The following SLC15A1 variants were observed in gnomAD, a reference collection of about 807,000 sequenced individuals.
SLC15A1 encodes solute carrier family 15 member 1, also known as Caco-2 oligopeptide transporter.
In SLC15A1, 83 loss-of-function variants were observed where a neutral mutation model predicts 92.9. The observed-to-expected ratio is 0.89, with a 90% CI of 0.75 to 1.07. The LOEUF is 1.07. SLC15A1 is among the 50% of genes least tolerant of loss of function. SLC15A1 has a pLI of 0.00. For missense variants in SLC15A1, 857 were observed against 880.1 expected (o/e 0.97, Z 0.33); for synonymous variants, 322 against 318.2 (o/e 1.01, Z -0.13).
chr13:98,709,792 C>T lies in SLC15A1; in HGVS notation c.946-18G>A, dbSNP rs374290395. 215 of 1,613,960 alleles carry T rather than the reference C, an allele frequency of 1.3e-4. No homozygotes were observed. The highest frequency in any genetic ancestry group is 1.7e-4 in the Non-Finnish European group (206 of 1,180,018). On this transcript the variant is annotated intron_variant, in intron 12 of 22. Transcript: ENST00000376503. The stretch of plus-strand genomic sequence containing the variant: ...AGAGCTCCCTAAAAAGAGAGGAAAA[C>T]AATCTCAGTGAAAAATGTCATGAAA...
intron 15 of SLC15A1, among the ~76,000 whole-genome samples, chr13:98,706,775 T>G (rs764635047): frequency 2.0e-5 from 3 of 152,130 alleles, no homozygotes; most frequent in Non-Finnish European, 2.9e-5. Flanking sequence ...CAGTCTTGGG[T>G]ACGTCTTTAT....
chr13:98,710,883 T>TA (rs1220325948), intron 11 of SLC15A1, among the ~76,000 whole-genome samples: 1 of 151,428 alleles, frequency 6.6e-6, no homozygotes, highest in Non-Finnish European at 1.5e-5. Context: ...CTGAGTACCT[T>TA]ATGGATGTTC....
rs1358555473 is a variant in SLC15A1 at position 98,710,045 on chromosome 13, A to G, written c.901-134T>C. 9.9e-6 allele frequency: 8 copies of G among 809,864 alleles called. No individual in the cohort carries two copies. The African/African-American group carries it at 1.4e-4, about 14-fold the overall frequency. 50.2% of individuals were successfully genotyped at this position (809,864 alleles called of 1,614,324 possible). ...GGATTTAAAGTTGTTTTAAACATCA[A>G]GTTAATCTCCCAGCTCTATTATAAT... is the stretch of plus-strand genomic sequence containing the variant. On this transcript the variant is annotated intron_variant, in intron 11 of 22. Coordinates refer to ENST00000376503, the MANE Select transcript of SLC15A1 (RefSeq NM_005073.4).
chr13:98,732,514 G>A (rs1013517580), intron 1 of SLC15A1, among the ~76,000 whole-genome samples: 2 of 152,064 alleles, frequency 1.3e-5, no homozygotes, highest in South Asian at 2.1e-4. Flanking sequence ...TCTTCCGCAC[G>A]ACTCAATAAA....
At chr13:98,730,264 G>A (rs1292630908) in intron 1 of SLC15A1, among the ~76,000 whole-genome samples, 1 of 68,384 alleles carries the variant, frequency 1.5e-5, no homozygotes, top group Admixed American at 1.8e-4. Context: ...GAAGGGGAGG[G>A]GAAGGGGAGG....
intron 7 of SLC15A1, 40 bp downstream of exon 7, chr13:98,721,454 TA>T (rs1255035474): frequency 6.9e-6 from 10 of 1,439,728 alleles, no homozygotes; most frequent in South Asian, 1.2e-5. Flanking sequence ...TTGGCCTTAC[TA>T]AAAAAAGACC....
intron 7 of SLC15A1, chr13:98,720,958 A>G: frequency 2.7e-6 from 1 of 364,202 alleles, no homozygotes; most frequent in Non-Finnish European, 5.4e-6. Flanking sequence ...AGGCTGAGGC[A>G]GGAGAATTGC....
At chr13:98,696,691 C>T (rs182848941) in intron 18 of SLC15A1, among the ~76,000 whole-genome samples, 280 of 152,160 alleles carry the variant, frequency 1.8e-3, no homozygotes, top group Non-Finnish European at 2.0e-3. Flanking sequence ...TGTATGAGCA[C>T]GTGTGGGGGA....
In SLC15A1 at chr13:98,684,602, G is replaced by T; in HGVS notation, c.*122C>A. 1 of 563,108 alleles carries T rather than the reference G, an allele frequency of 1.8e-6. No individual in the cohort carries two copies. The highest frequency in any genetic ancestry group is 3.1e-6 in the Non-Finnish European group (1 of 323,752). The allele number at this position is 563,108 out of a possible 1,614,324, so 34.9% of individuals were successfully genotyped here. On this transcript the variant is annotated 3_prime_UTR_variant, in exon 23 of 23. Transcript: ENST00000376503. ...AAAGAAAAAAGAAAATAGCATTCAT[G>T]GTTTAGTTCCCAATTCTGAAGTCTT... is the stretch of plus-strand genomic sequence containing the variant.
At chr13:98,743,938 C>G (rs1469220260) in intron 1 of SLC15A1, among the ~76,000 whole-genome samples, 1 of 152,058 alleles carries the variant, frequency 6.6e-6, no homozygotes, top group African/African-American at 2.4e-5. Context: ...CATCAGCTCC[C>G]CACACCCAGC....
intron 11 of SLC15A1, 21 bp from the exon 12 acceptor site, chr13:98,709,932 C>T: frequency 1.9e-6 from 3 of 1,613,238 alleles, no homozygotes; most frequent in Non-Finnish European, 2.5e-6. Flanking sequence ...AATACATTTG[C>T]TGTATTATTT....
chr13:98,686,038 C>T (rs923290769), intron 22 of SLC15A1, 152 bp downstream of exon 22: 5 of 608,990 alleles, frequency 8.2e-6, no homozygotes, highest in Non-Finnish European at 8.9e-6. Flanking sequence ...TGCCATAAGG[C>T]TATTTGGGAA....
Position 98,706,240 on chromosome 13 carries a change from A to G in SLC15A1, c.1163T>C (p.Val388Ala). Reference protein sequence around the residue: ...VQVEIDKTLPVFPKGNEVQIK... With the variant: ...VQVEIDKTLPAFPKGNEVQIK... ...TTGGACTTCGTTTCCTTTGGGGAAG[A>G]CTGGAAGAGTTTTCTGAGCAAAATA... Residue 388 changes from valine to alanine, a missense_variant, in exon 16 of 23, where the codon GTC (valine) becomes GCC (alanine). Physicochemically the swap from Val to Ala is moderately conservative, Grantham distance 64. Transcript: ENST00000376503. 6.2e-7 allele frequency: 1 copy of G among 1,612,300 alleles called. No homozygotes were observed. The highest frequency in any genetic ancestry group is 8.5e-7 in the Non-Finnish European group (1 of 1,179,450).
In SLC15A1 at chr13:98,706,224, G is replaced by A. The variant is rs8187836; in HGVS notation, c.1179C>T (p.Asn393=). The A allele has an allele frequency of 1.6e-3, 2,618 of 1,613,230 alleles. 46 individuals are homozygous for A. The African/African-American group carries it at 0.029, about 18-fold the overall frequency. ...TATTCAAAACTTTAATTTGGACTTC[G>A]TTTCCTTTGGGGAAGACTGGAAGAG... is the stretch of plus-strand genomic sequence containing the variant. The part of the protein sequence containing the change: ...DKTLPVFPKG[N]EVQIKVLNIG... Residue 393 remains asparagine (N), a synonymous_variant, in exon 16 of 23, where the codon AAC becomes AAT. Coordinates refer to ENST00000376503, the MANE Select transcript of SLC15A1 (RefSeq NM_005073.4).
intron 1 of SLC15A1, among the ~76,000 whole-genome samples, chr13:98,748,415 C>T (rs541743904): frequency 6.6e-6 from 1 of 152,246 alleles, no homozygotes; most frequent in Non-Finnish European, 1.5e-5. Context: ...CTCAGCCTCC[C>T]GAGTAGCTGG....
chr13:98,717,231 T>C (rs189311926), intron 8 of SLC15A1, among the ~76,000 whole-genome samples: 1 of 152,334 alleles, frequency 6.6e-6, no homozygotes, highest in African/African-American at 2.4e-5. Flanking sequence ...AATATAGATG[T>C]TCTTTATAGC....
intron 18 of SLC15A1, among the ~76,000 whole-genome samples, chr13:98,698,105 C>T (rs1331932626): frequency 6.6e-6 from 1 of 152,152 alleles, no homozygotes; most frequent in Non-Finnish European, 1.5e-5. Flanking sequence ...TGAAAGCAAT[C>T]AAGATGGGCA....
At chr13:98,714,421 C>G (rs976156257) in intron 9 of SLC15A1, among the ~76,000 whole-genome samples, 13 of 152,050 alleles carry the variant, frequency 8.5e-5, no homozygotes, top group Non-Finnish European at 1.9e-4. Context: ...CTTTGGGAGG[C>G]TGAGGCGGGC....
intron 15 of SLC15A1, among the ~76,000 whole-genome samples, chr13:98,707,424 T>C (rs2088121128): frequency 1.3e-5 from 2 of 152,168 alleles, no homozygotes; most frequent in South Asian, 2.1e-4. Flanking sequence ...ATAATGCCAC[T>C]CATAGGAAGT....
Sources: allele counts gnomAD v4.1 joint callset (sites outside exome capture counted in the v4.1 genomes callset), GRCh38; gene constraint gnomAD v4.1.1; transcripts MANE v1.5; gene names NCBI Gene and HGNC (gene_info 2026-07-23, HGNC 2026-07-21).